The following SLC5A2 variants were observed in gnomAD, a reference collection of about 807,000 sequenced individuals.
SLC5A2 encodes the protein sodium/glucose cotransporter 2.
SLC5A2 carries 67 observed loss-of-function variants against 69.0 expected under a neutral mutation model. That is an observed-to-expected ratio of 0.97 (90% CI 0.80 to 1.19). The LOEUF (loss-of-function observed/expected upper bound fraction) is 1.19, where lower values mean the gene tolerates loss of function less well. Among genes scored for constraint, SLC5A2 ranks in the 50% most tolerant of loss-of-function variants. The pLI is 0.00. For missense variants in SLC5A2, 1,001 were observed against 921.5 expected (o/e 1.09, Z -1.12); for synonymous variants, 455 against 395.8 (o/e 1.15, Z -1.78).
At position 31,490,409 on chromosome 16, in the gene SLC5A2, G is replaced by GGAGGCA. The variant is rs774574743; in HGVS notation, c.1895_1900dup (p.Glu632_Ala633dup). 76 of 1,613,818 alleles carry GGAGGCA rather than the reference G, an allele frequency of 4.7e-5. No homozygotes were observed. In the East Asian group the frequency reaches 1.4e-3, roughly 29 times the overall value. ...GCAGTCCTCCGCCCCTTACCCAGGA[G>GGAGGCA]GAGGCAGCGGCAGCAGCCAGGCGGC... On this transcript the variant is annotated inframe_insertion, in exon 14 of 14. Coordinates refer to ENST00000330498, the MANE Select transcript of SLC5A2 (RefSeq NM_003041.4).
At position 31,487,867 on chromosome 16, in the gene SLC5A2, G is replaced by A. The variant is rs921239337; in HGVS notation, c.885+108G>A. ...CAACGGTCTAAGGCGCAGTCTGAGG[G>A]GCGGGAACCCCTCGGGTTGGTGCTA... is the stretch of plus-strand genomic sequence containing the variant. On this transcript the variant is annotated intron_variant, in intron 7 of 13. Transcript: ENST00000330498. 7.8e-6 allele frequency: 11 copies of A among 1,406,414 alleles called. No homozygotes were observed. In the African/African-American group the frequency reaches 9.9e-5, roughly 13 times the overall value. 87.1% of individuals were successfully genotyped at this position (1,406,414 alleles called of 1,614,324 possible). A position where few individuals can be genotyped will look rare whatever the true frequency, so the allele number is the denominator to read the frequency against.
rs1460898191 is a variant in SLC5A2 at position 31,483,148 on chromosome 16, C to T, written c.12C>T (p.His4=). Residue 4 remains histidine, a synonymous_variant, in exon 1 of 14, where the codon CAC becomes CAT. Coordinates refer to ENST00000330498, the MANE Select transcript of SLC5A2 (RefSeq NM_003041.4). MEE[H]TEAGSAPEMG... ...AGATCCTGGGGAGAATGGAGGAGCACACAGAGGCAGGCTCGGCACCAGAGA... is the reference window on the plus strand; with the variant it reads ...AGATCCTGGGGAGAATGGAGGAGCATACAGAGGCAGGCTCGGCACCAGAGA... 1.2e-6 allele frequency: 2 copies of T among 1,613,976 alleles called. No individual in the cohort carries two copies. Among genetic ancestry groups the T allele is most frequent in the Admixed American group, 3.3e-5 (2 of 60,024 alleles).
rs2082524254 is a variant in SLC5A2, at chr16:31,488,718, T to G, written c.1226T>G (p.Ile409Ser). The change falls in exon 10 of 14, where the codon ATC (isoleucine) becomes AGC (serine). Residue 409 changes from isoleucine to serine, a missense_variant. Coordinates refer to ENST00000330498, the MANE Select transcript of SLC5A2 (RefSeq NM_003041.4). ...AGCAGCACGCTCTTCACCATGGACATCTACACGCGCCTGCGGCCACGCGCC... is the reference window on the plus strand; with the variant it reads ...AGCAGCACGCTCTTCACCATGGACAGCTACACGCGCCTGCGGCCACGCGCC... The part of the protein sequence containing the change: ...NSSSTLFTMD[I>S]YTRLRPRAGD... 1 of 1,612,266 alleles carries G rather than the reference T, an allele frequency of 6.2e-7. No homozygotes were observed. Among genetic ancestry groups the G allele is most frequent in the Non-Finnish European group, 8.5e-7 (1 of 1,179,310 alleles).
chr16:31,486,098 G>T, intron 4 of SLC5A2, 72 bp from the exon 5 acceptor site: 1 of 1,287,408 alleles, frequency 7.8e-7, no homozygotes, highest in Non-Finnish European at 1.1e-6. Flanking sequence ...GGCTAGTAGG[G>T]CATGGCCTGG....
Position 31,488,100 on chromosome 16 carries a change from G to C in SLC5A2, c.948G>C (p.Leu316=), listed in dbSNP as rs762567054. ...CCCACATCAAGGCGGGCTGCATCCT[G>C]TGTGGGTACCTGAAGCTGACGCCCA... ...SLTHIKAGCI[L]CGYLKLTPMF... The change falls in exon 8 of 14, where the codon CTG becomes CTC. Residue 316 remains leucine (L), a synonymous_variant. Transcript: ENST00000330498. 5.6e-6 allele frequency: 9 copies of C among 1,614,098 alleles called. No homozygotes were observed. The South Asian group carries it at 6.6e-5, about 12-fold the overall frequency.
chr16:31,488,046 G>A lies in SLC5A2; in HGVS notation c.894G>A (p.Val298=), dbSNP rs894168929. 1.9e-6 allele frequency: 3 copies of A among 1,613,490 alleles called. No individual in the cohort carries two copies. The highest frequency in any genetic ancestry group is 1.3e-5 in the African/African-American group (1 of 74,940). ...GWYWCSDQVI[V]QRCLAGKSLT... is the part of the protein sequence containing the mutation. ...GAACGCCCCTCCCGTAGGTCATCGTGCAGCGCTGCCTGGCCGGGAAGAGCC... is the reference window on the plus strand; with the variant it reads ...GAACGCCCCTCCCGTAGGTCATCGTACAGCGCTGCCTGGCCGGGAAGAGCC... Residue 298 remains valine, a synonymous_variant, in exon 8 of 14, where the codon GTG becomes GTA. Coordinates refer to ENST00000330498, the MANE Select transcript of SLC5A2 (RefSeq NM_003041.4).
chr16:31,490,037 A>G (rs1219788171), intron 12 of SLC5A2, 67 bp from the exon 13 acceptor site: 170 of 1,607,062 alleles, frequency 1.1e-4, no homozygotes, highest in Non-Finnish European at 1.2e-4. Flanking sequence ...GCTGGTGTGC[A>G]AGAGACTTTA....
rs764084563 is a variant in SLC5A2 at position 31,489,227 on chromosome 16, AGCTTTCCTCTGCGGCGTGCACT to A, written c.1555_1576del (p.Ala519ThrfsTer71). The A allele has an allele frequency of 9.9e-6, 16 of 1,610,262 alleles. No individual in the cohort carries two copies. Among genetic ancestry groups the A allele is most frequent in the Non-Finnish European group, 1.4e-5 (16 of 1,180,012 alleles). On this transcript the variant is annotated frameshift_variant, in exon 12 of 14. Coordinates refer to ENST00000330498, the MANE Select transcript of SLC5A2 (RefSeq NM_003041.4). LOFTEE classifies it high-confidence loss of function. ...GCTGTGTGCAGCCCTCGGCGTGCCC[AGCTTTCCTCTGCGGCGTGCACT>A]ACCTCTACTTCGCCATTGTGCTGTT...
Position 31,490,571 on chromosome 16 carries a change from A to T in SLC5A2, c.*36A>T. 6.5e-7 allele frequency: 1 copy of T among 1,529,136 alleles called. No homozygotes were observed. Among genetic ancestry groups the T allele is most frequent in the Non-Finnish European group, 9.0e-7 (1 of 1,113,204 alleles). The allele number at this position is 1,529,136 out of a possible 1,614,324, so 94.7% of individuals were successfully genotyped here. ...GTTGGACACCATAAGCCACAGCCTC[A>T]CAGGAAGTGGGGGTGAGGAGCCTGC... On this transcript the variant is annotated 3_prime_UTR_variant, in exon 14 of 14. Transcript: ENST00000330498.
rs766709389 is a variant in SLC5A2, at chr16:31,488,473, T to A, written c.1112T>A (p.Val371Glu). 2 of 1,609,452 alleles carry A rather than the reference T, an allele frequency of 1.2e-6. No homozygotes were observed. The highest frequency in any genetic ancestry group is 1.7e-6 in the Non-Finnish European group (2 of 1,179,032). ...CSNIAYPRLV[V>E]KLMPNGLRGL... ...AACATCGCCTACCCGCGGCTCGTCG[T>A]GAAGCTCATGCCCAACGGTAAGGGC... The change falls in exon 9 of 14, where the codon GTG (valine) becomes GAG (glutamate). Residue 371 changes from valine to glutamate, a missense_variant. Coordinates refer to ENST00000330498, the MANE Select transcript of SLC5A2 (RefSeq NM_003041.4).
chr16:31,487,272 C>G (rs1215020014), intron 5 of SLC5A2, 48 bp from the exon 6 acceptor site: 12 of 1,575,274 alleles, frequency 7.6e-6, no homozygotes, highest in Non-Finnish European at 1.0e-5. Context: ...CTAAGGCCAG[C>G]CTGTAACATA....
chr16:31,487,915 A>G, intron 7 of SLC5A2, 123 bp from the exon 8 acceptor site: 1 of 1,470,740 alleles, frequency 6.8e-7, no homozygotes. Context: ...GGCTCCATCT[A>G]CTCCAAGCGT....
In SLC5A2 at chr16:31,485,840, C is replaced by T. The variant is rs202200611; in HGVS notation, c.415C>T (p.Arg139Cys). Residue 139 changes from arginine to cysteine, a missense_variant, in exon 4 of 14, where the codon CGC becomes TGC. By Grantham distance (180) the Arg-to-Cys change is radical. Coordinates refer to ENST00000330498, the MANE Select transcript of SLC5A2 (RefSeq NM_003041.4). ...CAAGCGCTTCGGCGGCCGCCGCATC[C>T]GCCTCTACCTGTCTGTGCTCTCCCT... ...LRKRFGGRRI[R>C]LYLSVLSLFL... 53 of 1,613,542 alleles carry T rather than the reference C, an allele frequency of 3.3e-5. No homozygotes were observed. The Middle Eastern group carries it at 6.6e-4, about 20-fold the overall frequency.
intron 5 of SLC5A2, among the ~76,000 whole-genome samples, chr16:31,486,539 C>G (rs2082497157): frequency 6.6e-6 from 1 of 152,186 alleles, no homozygotes; most frequent in Non-Finnish European, 1.5e-5. Flanking sequence ...CAGCTCTTGC[C>G]TGCCTTGAAC....
At chr16:31,490,060 G>T (rs2082548329) in intron 12 of SLC5A2, 44 bp from the exon 13 acceptor site, 1 of 1,611,494 alleles carries the variant, frequency 6.2e-7, no homozygotes. Flanking sequence ...GCCAGGCATG[G>T]GGGGACAGAA....
At chr16:31,487,817 C>T in intron 7 of SLC5A2, 58 bp downstream of exon 7, 1 of 1,513,210 alleles carries the variant, frequency 6.6e-7, no homozygotes, top group Non-Finnish European at 8.9e-7. Flanking sequence ...ACGGGCGGAG[C>T]CTGAGTCCCT....
Position 31,488,397 on chromosome 16 carries a change from G to C in SLC5A2, c.1036G>C (p.Val346Leu). 1 of 1,611,616 alleles carries C rather than the reference G, an allele frequency of 6.2e-7. No individual in the cohort carries two copies. The highest frequency in any genetic ancestry group is 8.5e-7 in the Non-Finnish European group (1 of 1,179,788). The change falls in exon 9 of 14, where the codon GTG becomes CTG. Residue 346 changes from valine (V) to leucine (L), a missense_variant. Coordinates refer to ENST00000330498, the MANE Select transcript of SLC5A2 (RefSeq NM_003041.4). ...CTCTCTGGCAGACGAGGTGGCGTGC[G>C]TGGTGCCTGAGGTGTGCAGGCGCGT... ...RILYPDEVAC[V>L]VPEVCRRVCG...
intron 12 of SLC5A2, 54 bp downstream of exon 12, chr16:31,489,392 G>C: frequency 6.6e-7 from 1 of 1,512,428 alleles, no homozygotes; most frequent in Non-Finnish European, 9.0e-7. Flanking sequence ...CCTACCCTCT[G>C]CTTCCTGGAG....
chr16:31,488,006 C>G (rs753547495), intron 7 of SLC5A2, 32 bp from the exon 8 acceptor site: 1 of 1,609,290 alleles, frequency 6.2e-7, no homozygotes. Flanking sequence ...AGGGGAGGCC[C>G]GCAAGCGGGC....
Sources: allele counts gnomAD v4.1 joint callset (sites outside exome capture counted in the v4.1 genomes callset), GRCh38; gene constraint gnomAD v4.1.1; transcripts MANE v1.5; gene names NCBI Gene and HGNC (gene_info 2026-07-23, HGNC 2026-07-21).